HDAC9: variants seen among roughly 807,000 people sequenced by gnomAD.
HDAC9 encodes histone deacetylase 9, also known as MEF-2 interacting transcription repressor (MITR) protein.
Under a neutral mutation model 139.4 loss-of-function variants are expected in HDAC9, and 41 were observed. The ratio of observed to expected loss-of-function variants is 0.29; its 90% confidence interval spans 0.23 to 0.38. HDAC9 has a LOEUF of 0.38. HDAC9 is among the 10% of genes least tolerant of loss of function. HDAC9 has a pLI of 1.00. For missense variants in HDAC9, 1,147 were observed against 1,297.0 expected (o/e 0.88, Z 1.78); for synonymous variants, 517 against 476.2 (o/e 1.09, Z -1.12).
chr7:18,622,897 A>C (rs1243639374), intron 6 of HDAC9, among the ~76,000 whole-genome samples: 3 of 151,854 alleles, frequency 2.0e-5, no homozygotes, highest in Non-Finnish European at 4.4e-5. Flanking sequence ...TAATCCCAGC[A>C]CTTTGGGAGG....
chr7:18,752,237 G>C (rs572451730), intron 14 of HDAC9, among the ~76,000 whole-genome samples: 25 of 152,116 alleles, frequency 1.6e-4, no homozygotes, highest in Non-Finnish European at 3.2e-4. Flanking sequence ...CAAGTGATCT[G>C]TGTGCCTGGT....
chr7:18,464,630 T>C (rs1368488096), intron 1 of HDAC9, among the ~76,000 whole-genome samples: 2 of 152,036 alleles, frequency 1.3e-5, no homozygotes, highest in Non-Finnish European at 2.9e-5. Context: ...ATTTTTCAAA[T>C]GACAGGGAGC....
chr7:18,732,646 TGTATATATACACACACAC>T (rs1786218674), intron 13 of HDAC9, among the ~76,000 whole-genome samples: 1 of 120,250 alleles, frequency 8.3e-6, no homozygotes, highest in Admixed American at 7.8e-5. Flanking sequence ...TGTGCATATG[TGTATATATACACACACAC>T]GTGTATATGT....
intron 2 of HDAC9, among the ~76,000 whole-genome samples, chr7:18,281,577 T>A (rs1391482387): frequency 1.3e-5 from 2 of 152,182 alleles, no homozygotes; most frequent in East Asian, 3.9e-4. Context: ...GAAGAGGAAT[T>A]CTTCTGGCTG....
chr7:18,138,054 A>C (rs562838164), intron 1 of HDAC9, among the ~76,000 whole-genome samples: 1 of 152,320 alleles, frequency 6.6e-6, no homozygotes, highest in South Asian at 2.1e-4. Flanking sequence ...GTGTTGAGGA[A>C]GTTATGCATT....
intron 22 of HDAC9, among the ~76,000 whole-genome samples, chr7:18,884,336 G>A (rs1245052101): frequency 6.6e-6 from 1 of 152,136 alleles, no homozygotes; most frequent in African/African-American, 2.4e-5. Context: ...CATGACAGTG[G>A]CATAAAAACA....
At chr7:18,440,364 T>G (rs780067429) in intron 1 of HDAC9, among the ~76,000 whole-genome samples, 1 of 151,994 alleles carries the variant, frequency 6.6e-6, no homozygotes, top group African/African-American at 2.4e-5. Context: ...TTTGTATTTT[T>G]AGTAGAGGCG....
rs773611939 is a variant in HDAC9 at position 18,727,631 on chromosome 7, C to T, written c.1783C>T (p.Leu595=). Residue 595 remains leucine, a synonymous_variant, in exon 13 of 26, where the codon CTG becomes TTG. Coordinates refer to ENST00000686413, the MANE Select transcript of HDAC9 (RefSeq NM_178425.4). Reference sequence around the variant, plus strand: ...TGCGCTCTCTGTGCGCCAAGCTCCGCTGGCTGCGGTTGGCATGGATGGATT... The same window carrying T: ...TGCGCTCTCTGTGCGCCAAGCTCCGTTGGCTGCGGTTGGCATGGATGGATT... ...TRALSVRQAP[L]AAVGMDGLEK... is the part of the protein sequence containing the mutation. 6.3e-7 allele frequency: 1 copy of T among 1,588,716 alleles called. No homozygotes were observed. Among genetic ancestry groups the T allele is most frequent in the Non-Finnish European group, 8.5e-7 (1 of 1,171,164 alleles).
chr7:18,843,872 TC>T (rs1435776347), intron 21 of HDAC9, among the ~76,000 whole-genome samples: 6 of 152,164 alleles, frequency 3.9e-5, no homozygotes, highest in Admixed American at 2.6e-4. Flanking sequence ...ATATTGACTT[TC>T]CCACGTGGAG....
At chr7:18,549,263 A>T (rs1326842899) in intron 2 of HDAC9, among the ~76,000 whole-genome samples, 2 of 152,058 alleles carry the variant, frequency 1.3e-5, no homozygotes, top group African/African-American at 4.8e-5. Flanking sequence ...AAACAAACAA[A>T]TTTACCATAT....
intron 6 of HDAC9, among the ~76,000 whole-genome samples, chr7:18,620,914 C>A (rs1840043954): frequency 6.6e-6 from 1 of 152,046 alleles, no homozygotes; most frequent in Non-Finnish European, 1.5e-5. Flanking sequence ...TTTCTATTTA[C>A]ATTGATAGAA....
At chr7:18,545,083 G>A (rs1586878652) in intron 2 of HDAC9, among the ~76,000 whole-genome samples, 2 of 152,234 alleles carry the variant, frequency 1.3e-5, no homozygotes, top group East Asian at 3.9e-4. Context: ...GGCTCCAAAC[G>A]TCAATGGTTC....
chr7:18,674,768 G>A (rs1460594237), intron 12 of HDAC9, among the ~76,000 whole-genome samples: 1 of 151,672 alleles, frequency 6.6e-6, no homozygotes, highest in Non-Finnish European at 1.5e-5. Flanking sequence ...GCTATTTCTT[G>A]TCCTCAGTGT....
intron 8 of HDAC9, among the ~76,000 whole-genome samples, chr7:18,643,986 G>C (rs1786552837): frequency 6.7e-6 from 1 of 149,722 alleles, no homozygotes; most frequent in African/African-American, 2.5e-5. Flanking sequence ...ATGACTCTTA[G>C]TAATGGATTA....
chr7:18,181,866 A>G (rs373818871), intron 2 of HDAC9, among the ~76,000 whole-genome samples: 1 of 152,228 alleles, frequency 6.6e-6, no homozygotes. Context: ...TACAAATGCA[A>G]GTCAAAATAC....
chr7:18,677,457 A>G (rs1781592333), intron 12 of HDAC9, among the ~76,000 whole-genome samples: 2 of 151,942 alleles, frequency 1.3e-5, no homozygotes, highest in Non-Finnish European at 2.9e-5. Context: ...ATCTTAAACA[A>G]GTTTCTGTAG....
At chr7:18,874,205 G>C (rs949970814) in intron 21 of HDAC9, among the ~76,000 whole-genome samples, 1 of 150,372 alleles carries the variant, frequency 6.7e-6, no homozygotes, top group African/African-American at 2.4e-5. Flanking sequence ...TGTGTAATAT[G>C]ATGGGCTTTA....
chr7:18,971,752 C>G (rs188851475), intron 24 of HDAC9, among the ~76,000 whole-genome samples: 112 of 152,326 alleles, frequency 7.4e-4, no homozygotes, highest in African/African-American at 2.2e-3. Flanking sequence ...ATTTCTGAGT[C>G]AGGAAACTCA....
chr7:18,179,572 C>A, intron 2 of HDAC9, among the ~76,000 whole-genome samples: 1 of 152,254 alleles, frequency 6.6e-6, no homozygotes, highest in East Asian at 1.9e-4. Flanking sequence ...TACCCTCCCT[C>A]TCCTAAGGAA....
Sources: allele counts gnomAD v4.1 joint callset (sites outside exome capture counted in the v4.1 genomes callset), GRCh38; gene constraint gnomAD v4.1.1; transcripts MANE v1.5; gene names NCBI Gene and HGNC (gene_info 2026-07-23, HGNC 2026-07-21).